SEMA4F: variants seen among roughly 807,000 people sequenced by gnomAD.
SEMA4F encodes the protein ssemaphorin 4F, also known as semaphorin-4F.
A neutral mutation model predicts 78.4 loss-of-function variants in SEMA4F; 51 were observed. That is an observed-to-expected ratio of 0.65 (90% CI 0.52 to 0.82). The LOEUF is 0.82. Ranked by LOEUF, SEMA4F falls within the 40% of genes least tolerant of loss-of-function variation. The probability of loss-of-function intolerance (pLI) is 0.00; values close to 1 mark genes in which losing one functional copy is unlikely to be tolerated. For missense variants in SEMA4F, 938 were observed against 1,014.4 expected (o/e 0.92, Z 1.02); for synonymous variants, 418 against 408.7 (o/e 1.02, Z -0.27).
intron 5 of SEMA4F, among the ~76,000 whole-genome samples, chr2:74,668,537 A>G (rs1161321843): frequency 6.6e-6 from 1 of 152,112 alleles, no homozygotes; most frequent in Non-Finnish European, 1.5e-5. Flanking sequence ...GGAGCTATCT[A>G]TCCTGAAAAA....
intron 5 of SEMA4F, among the ~76,000 whole-genome samples, chr2:74,667,942 A>G (rs1407322857): frequency 6.6e-6 from 1 of 152,114 alleles, no homozygotes; most frequent in East Asian, 1.9e-4. Context: ...CACACATCCA[A>G]CTGCCTTCCA....
At chr2:74,664,908 A>G (rs892346727) in intron 5 of SEMA4F, among the ~76,000 whole-genome samples, 2 of 152,098 alleles carry the variant, frequency 1.3e-5, no homozygotes, top group African/African-American at 2.4e-5. Context: ...TTTCTTAAAA[A>G]TTTTTTCCAA....
rs186076306 is a variant in SEMA4F, at chr2:74,673,509, T to C, written c.603T>C (p.Ile201=). 3.5e-4 allele frequency: 557 copies of C among 1,614,080 alleles called. No individual in the cohort carries two copies. The highest frequency in any genetic ancestry group is 4.4e-4 in the Non-Finnish European group (519 of 1,180,012). Residue 201 remains isoleucine (I), a synonymous_variant, in exon 6 of 14, where the codon ATT becomes ATC. Transcript: ENST00000357877. ...TVKNYLGTEP[I]ITRAVGRAED... ...AAAACTACCTGGGGACGGAGCCAAT[T>C]ATCACCAGAGCAGTGGGTCGTGCCG...
chr2:74,697,788 C>T, the SEMA4F span, among the ~76,000 whole-genome samples: 1 of 152,164 alleles, frequency 6.6e-6, no homozygotes, highest in Non-Finnish European at 1.5e-5. Flanking sequence ...AGGGGCTGGA[C>T]CTCATTCATC....
chr2:74,698,335 G>A, the SEMA4F span, among the ~76,000 whole-genome samples: 1 of 152,198 alleles, frequency 6.6e-6, no homozygotes, highest in Non-Finnish European at 1.5e-5. Flanking sequence ...AGCCACATAA[G>A]CAAGAAAATA....
rs1228274352 is a variant in SEMA4F, at chr2:74,673,666, G to A, written c.671-11G>A. 1 of 1,613,406 alleles carries A rather than the reference G, an allele frequency of 6.2e-7. No individual in the cohort carries two copies. The highest frequency in any genetic ancestry group is 1.7e-5 in the Admixed American group (1 of 59,998). Reference sequence around the variant, plus strand: ...GTGTCTGTGAGGATCTGAGGCCACTGGTATTCCCAGCCCCAGCCTTTGTCG... The same window carrying A: ...GTGTCTGTGAGGATCTGAGGCCACTAGTATTCCCAGCCCCAGCCTTTGTCG... On this transcript the variant is annotated splice_polypyrimidine_tract_variant and intron_variant, in intron 6 of 13. Transcript: ENST00000357877.
chr2:74,692,984 T>C, the SEMA4F span, among the ~76,000 whole-genome samples: 1 of 152,204 alleles, frequency 6.6e-6, no homozygotes, highest in Non-Finnish European at 1.5e-5. Context: ...TGCTGAAAAG[T>C]AAATAAAAAT....
the SEMA4F span, among the ~76,000 whole-genome samples, chr2:74,691,062 G>T: frequency 1.3e-5 from 2 of 152,214 alleles, no homozygotes; most frequent in Non-Finnish European, 2.9e-5. Flanking sequence ...TTTTAGAGAT[G>T]AGGAAGGCGA....
the SEMA4F span, among the ~76,000 whole-genome samples, chr2:74,693,593 G>A: frequency 6.6e-6 from 1 of 152,186 alleles, no homozygotes; most frequent in South Asian, 2.1e-4. Context: ...TTCTCCTTTA[G>A]CCTGTGAATG....
rs567907763 is a variant in SEMA4F at position 74,677,239 on chromosome 2, A to G, written c.1643+1330A>G. On this transcript the variant is annotated intron_variant, in intron 12 of 13. Transcript: ENST00000357877. Reference sequence around the variant, plus strand: ...AAACATTTTATTGTGGGAAAGTTCAATCATATCCAAAAGTAGAGAGAATTG... The same window carrying G: ...AAACATTTTATTGTGGGAAAGTTCAGTCATATCCAAAAGTAGAGAGAATTG... Among the ~76,000 whole-genome samples the G allele has an allele frequency of 1.7e-4, 26 of 152,278 alleles. No homozygotes were observed. The East Asian group carries it at 5.0e-3, about 29-fold the overall frequency.
At position 74,679,772 on chromosome 2, in the gene SEMA4F, T is replaced by TGTGAATGTCAGGAGGGTGA; in HGVS notation, c.1876_1877insGTGAATGTCAGGAGGGTGA (p.Tyr626CysfsTer10). On this transcript the variant is annotated frameshift_variant, in exon 14 of 14. Transcript: ENST00000357877. LOFTEE classifies it high-confidence loss of function. Reference sequence around the variant, plus strand: ...GGTGACCCCAGGGGCCATGGGCGCTTATGCCTGTGAATGTCAGGAGGGTGG... The same window carrying TGTGAATGTCAGGAGGGTGA: ...GGTGACCCCAGGGGCCATGGGCGCTTGTGAATGTCAGGAGGGTGAATGCCTGTGAATGTCAGGAGGGTGG... 3.1e-6 allele frequency: 5 copies of TGTGAATGTCAGGAGGGTGA among 1,614,104 alleles called. No homozygotes were observed. The highest frequency in any genetic ancestry group is 3.4e-6 in the Non-Finnish European group (4 of 1,180,016).
intron 7 of SEMA4F, 39 bp from the exon 8 acceptor site, chr2:74,674,459 A>G (rs1685153188): frequency 6.4e-7 from 1 of 1,563,538 alleles, no homozygotes; most frequent in Admixed American, 1.9e-5. Context: ...CCCAATGATG[A>G]TCATCTAAAG....
In SEMA4F at chr2:74,660,484, A is replaced by G. The variant is rs140618022; in HGVS notation, c.457-2248A>G. Among the ~76,000 whole-genome samples the G allele has an allele frequency of 3.7e-3, 565 of 152,370 alleles. 5 individuals carry two copies. Among genetic ancestry groups the G allele is most frequent in the African/African-American group, 0.013 (521 of 41,594 alleles). On this transcript the variant is annotated intron_variant, in intron 4 of 13. Coordinates refer to ENST00000357877, the MANE Select transcript of SEMA4F (RefSeq NM_004263.5). ...AAGGCCAAAGGACCAGTTCCAACCC[A>G]TAGCTCAGAGAGAGCCTTCCTGTCC...
Position 74,675,840 on chromosome 2 carries a change from C to T in SEMA4F, c.1574C>T (p.Ala525Val). The change falls in exon 12 of 14, where the codon GCC becomes GTC. Residue 525 changes from alanine (A) to valine (V), a missense_variant. Transcript: ENST00000357877. ...CAGAGCTGCTCAGAGTGCATCCTGG[C>T]CCAGGACCCAGTCTGTGCCTGGAGC... ...RLQSCSECIL[A>V]QDPVCAWSFR... 1.2e-6 allele frequency: 2 copies of T among 1,614,240 alleles called. No individual in the cohort carries two copies. Among genetic ancestry groups the T allele is most frequent in the Non-Finnish European group, 1.7e-6 (2 of 1,180,040 alleles).
intron 1 of SEMA4F, among the ~76,000 whole-genome samples, chr2:74,656,209 C>T (rs949024072): frequency 2.0e-5 from 3 of 152,004 alleles, no homozygotes; most frequent in Non-Finnish European, 2.9e-5. Flanking sequence ...GGGATTTCAC[C>T]ATGTTGGCCA....
intron 4 of SEMA4F, among the ~76,000 whole-genome samples, chr2:74,660,980 A>G (rs1684399076): frequency 1.3e-5 from 2 of 152,200 alleles, no homozygotes; most frequent in South Asian, 4.1e-4. Context: ...GATTCTTAGG[A>G]TACACATGTG....
chr2:74,674,782 C>T, intron 8 of SEMA4F, 106 bp downstream of exon 8: 2 of 1,549,290 alleles, frequency 1.3e-6, no homozygotes, highest in Admixed American at 3.7e-5. Flanking sequence ...CCGCCTTTGG[C>T]TGCATGGCTC....
At chr2:74,669,159 T>C (rs1684848252) in intron 5 of SEMA4F, among the ~76,000 whole-genome samples, 2 of 151,986 alleles carry the variant, frequency 1.3e-5, no homozygotes, top group Admixed American at 6.5e-5. Flanking sequence ...TTAAAAAAAA[T>C]TAGCCAGGCA....
rs1361597975 is a variant in SEMA4F, at chr2:74,683,593, C to T, written c.*3384C>T. On this transcript the variant is annotated 3_prime_UTR_variant, in exon 14 of 14. Coordinates refer to ENST00000357877, the MANE Select transcript of SEMA4F (RefSeq NM_004263.5). ...GGCATAGAGGATTGTGAGAAAGGGT[C>T]CCCATGCTTGGTGTGGAAGGAGGGA... 1 of 152,324 alleles carries T rather than the reference C, an allele frequency of 6.6e-6. No homozygotes were observed. Among genetic ancestry groups the T allele is most frequent in the Non-Finnish European group, 1.5e-5 (1 of 68,068 alleles). The allele number at this position is 152,324 out of a possible 1,614,324, so 9.4% of individuals were successfully genotyped here.
Sources: allele counts gnomAD v4.1 joint callset (sites outside exome capture counted in the v4.1 genomes callset), GRCh38; gene constraint gnomAD v4.1.1; transcripts MANE v1.5; gene names NCBI Gene and HGNC (gene_info 2026-07-23, HGNC 2026-07-21).